The following HHAT variants were observed in gnomAD, a reference collection of about 807,000 sequenced individuals.
HHAT encodes the protein hedgehog acyltransferase.
HHAT carries 47 observed loss-of-function variants against 70.8 expected under a neutral mutation model. The observed-to-expected ratio is 0.66, with a 90% CI of 0.53 to 0.85. The LOEUF (loss-of-function observed/expected upper bound fraction) is 0.85, where lower values mean the gene tolerates loss of function less well. Ranked by LOEUF, HHAT falls within the 40% of genes least tolerant of loss-of-function variation. The probability of loss-of-function intolerance (pLI) is 0.00; values close to 1 mark genes in which losing one functional copy is unlikely to be tolerated. For missense variants in HHAT, 609 were observed against 604.8 expected (o/e 1.01, Z -0.07); for synonymous variants, 228 against 247.6 (o/e 0.92, Z 0.74).
At chr1:210,657,746 A>C (rs1477465917) in intron 11 of HHAT, among the ~76,000 whole-genome samples, 1 of 152,134 alleles carries the variant, frequency 6.6e-6, no homozygotes, top group East Asian at 1.9e-4. Flanking sequence ...TGGTGGTAGA[A>C]GAGTGGGTGT....
chr1:210,342,391 G>A (rs906853626), intron 1 of HHAT, among the ~76,000 whole-genome samples: 1 of 152,040 alleles, frequency 6.6e-6, no homozygotes, highest in African/African-American at 2.4e-5. Context: ...TTACAGTTCC[G>A]ACCAGTATTC....
intron 8 of HHAT, among the ~76,000 whole-genome samples, chr1:210,472,438 C>T (rs2357591): frequency 0.81 from 122,730 of 152,056 alleles, 49,682 homozygotes; most frequent in South Asian, 0.86. Flanking sequence ...TCACTCCCTT[C>T]TACTGTCTCT....
At chr1:210,491,288 G>T (rs2094548688) in intron 8 of HHAT, among the ~76,000 whole-genome samples, 1 of 152,104 alleles carries the variant, frequency 6.6e-6, no homozygotes, top group African/African-American at 2.4e-5. Flanking sequence ...TGTCACAAAT[G>T]CTGAGTGAAA....
rs2092023336 is a variant in HHAT at position 210,400,681 on chromosome 1, C to T, written c.468+19C>T. 1 of 1,600,806 alleles carries T rather than the reference C, an allele frequency of 6.2e-7. No homozygotes were observed. The highest frequency in any genetic ancestry group is 8.5e-7 in the Non-Finnish European group (1 of 1,173,684). On this transcript the variant is annotated intron_variant, in intron 5 of 11. Transcript: ENST00000261458. ...AGTTAAGGTAAGTGTTTTCCTGTTACCATTGGGAATCCAGAGAAGGCCCCT... is the reference window on the plus strand; with the variant it reads ...AGTTAAGGTAAGTGTTTTCCTGTTATCATTGGGAATCCAGAGAAGGCCCCT...
At chr1:210,499,773 G>A (rs2094718948) in intron 8 of HHAT, among the ~76,000 whole-genome samples, 1 of 152,142 alleles carries the variant, frequency 6.6e-6, no homozygotes, top group South Asian at 2.1e-4. Context: ...TAGGAGAGGC[G>A]GCTGCAAAGA....
chr1:210,446,563 G>A lies in HHAT; in HGVS notation c.857-17942G>A, dbSNP rs560880677. On this transcript the variant is annotated intron_variant, in intron 7 of 11. Coordinates refer to ENST00000261458, the MANE Select transcript of HHAT (RefSeq NM_018194.6). The stretch of plus-strand genomic sequence containing the variant: ...GATCCTCCTTAACAAAACACCACGT[G>A]GTCCGGCACCTGCCACCGTGACTCA... Among the ~76,000 whole-genome samples the A allele has an allele frequency of 9.2e-5, 14 of 152,214 alleles. No individual in the cohort carries two copies. The South Asian group carries it at 2.1e-3, about 23-fold the overall frequency.
At chr1:210,661,544 TTACTGGGTA>T (rs1677718047) in intron 11 of HHAT, among the ~76,000 whole-genome samples, 1 of 152,196 alleles carries the variant, frequency 6.6e-6, no homozygotes, top group East Asian at 1.9e-4. Flanking sequence ...AGCCATCCCA[TTACTGGGTA>T]TATACCCAAA....
chr1:210,407,673 G>A (rs1410823871), intron 6 of HHAT, among the ~76,000 whole-genome samples: 3 of 152,192 alleles, frequency 2.0e-5, no homozygotes, highest in African/African-American at 7.2e-5. Context: ...GGCATTTAGA[G>A]TTTTAGGAAC....
At chr1:210,340,764 C>T (rs1208745691) in intron 1 of HHAT, among the ~76,000 whole-genome samples, 1 of 152,126 alleles carries the variant, frequency 6.6e-6, no homozygotes, top group Non-Finnish European at 1.5e-5. Context: ...AATTCTATTA[C>T]ATTTAGACCA....
intron 7 of HHAT, among the ~76,000 whole-genome samples, chr1:210,458,871 A>C (rs1219722470): frequency 6.6e-6 from 1 of 152,206 alleles, no homozygotes; most frequent in Non-Finnish European, 1.5e-5. Context: ...ACAAGGCAAG[A>C]TTAAACACAA....
At chr1:210,385,425 C>G (rs2090973413) in intron 3 of HHAT, among the ~76,000 whole-genome samples, 1 of 152,076 alleles carries the variant, frequency 6.6e-6, no homozygotes, top group Admixed American at 6.6e-5. Context: ...TTGGAAATCT[C>G]TAGATGGGGA....
chr1:210,365,309 GTTTTT>G (rs4027290), intron 3 of HHAT, among the ~76,000 whole-genome samples: 6 of 78,416 alleles, frequency 7.7e-5, no homozygotes, highest in African/African-American at 2.6e-4. Context: ...ACTGCTGACA[GTTTTT>G]TTTTTTTTTT....
In HHAT at chr1:210,386,241, T is replaced by C. The variant is rs1192038230; in HGVS notation, c.160-1227T>C. On this transcript the variant is annotated intron_variant, in intron 3 of 11. Coordinates refer to ENST00000261458, the MANE Select transcript of HHAT (RefSeq NM_018194.6). Reference sequence around the variant, plus strand: ...CCTTTTCTTTTTTTCTTTTTTTTTTTTTTTTTTTTTTTTTTGAGACAGAGT... The same window carrying C: ...CCTTTTCTTTTTTTCTTTTTTTTTTCTTTTTTTTTTTTTTTGAGACAGAGT... 2.4e-3 allele frequency among the ~76,000 whole-genome samples: 249 copies of C among 104,590 alleles called. 14 individuals carry two copies. Among genetic ancestry groups the C allele is most frequent in the Non-Finnish European group, 3.0e-3 (153 of 50,684 alleles). 68.6% of individuals were successfully genotyped at this position (104,590 alleles called of 152,430 possible).
intron 8 of HHAT, among the ~76,000 whole-genome samples, chr1:210,510,407 G>C (rs2094933653): frequency 6.6e-6 from 1 of 152,202 alleles, no homozygotes; most frequent in Non-Finnish European, 1.5e-5. Flanking sequence ...CACAAATACT[G>C]TATGACTCTG....
At chr1:210,629,013 G>A (rs538654747) in intron 11 of HHAT, among the ~76,000 whole-genome samples, 36 of 152,298 alleles carry the variant, frequency 2.4e-4, no homozygotes, top group Admixed American at 1.6e-3. Context: ...ATCATTGATT[G>A]TGTCTCTACC....
intron 7 of HHAT, among the ~76,000 whole-genome samples, chr1:210,441,965 G>A (rs2093521912): frequency 6.6e-6 from 1 of 150,552 alleles, no homozygotes. Flanking sequence ...TTGTCATCTA[G>A]CATTAGGTAT....
intron 9 of HHAT, among the ~76,000 whole-genome samples, chr1:210,565,349 A>G (rs1296732584): frequency 6.6e-6 from 1 of 152,200 alleles, no homozygotes; most frequent in Non-Finnish European, 1.5e-5. Flanking sequence ...CCTCAGTATT[A>G]GGTTGGATGT....
intron 7 of HHAT, among the ~76,000 whole-genome samples, chr1:210,429,691 T>A (rs1000404711): frequency 5.3e-5 from 8 of 151,854 alleles, no homozygotes; most frequent in African/African-American, 1.9e-4. Context: ...CCTGTTTGCA[T>A]TGCTAAGTCA....
At chr1:210,470,359 C>G (rs1220355019) in intron 8 of HHAT, among the ~76,000 whole-genome samples, 2 of 152,154 alleles carry the variant, frequency 1.3e-5, no homozygotes, top group Non-Finnish European at 2.9e-5. Context: ...AAGCAGTTTC[C>G]AGCCACTAGA....
Sources: allele counts gnomAD v4.1 joint callset (sites outside exome capture counted in the v4.1 genomes callset), GRCh38; gene constraint gnomAD v4.1.1; transcripts MANE v1.5; gene names NCBI Gene and HGNC (gene_info 2026-07-23, HGNC 2026-07-21).